RBMS2: variants seen among roughly 807,000 people sequenced by gnomAD.
RBMS2 encodes RNA binding motif single stranded interacting protein 2.
In RBMS2, 38 loss-of-function variants were observed where a neutral mutation model predicts 58.4. The observed-to-expected ratio is 0.65, with a 90% CI of 0.50 to 0.85. The LOEUF (loss-of-function observed/expected upper bound fraction) is 0.85. RBMS2 is among the 40% of genes least tolerant of loss of function. RBMS2 has a pLI of 0.00. For missense variants in RBMS2, 367 were observed against 503.7 expected (o/e 0.73, Z 2.60); for synonymous variants, 151 against 180.7 (o/e 0.84, Z 1.32).
chr12:56,553,142 C>T (rs1216563126), intron 1 of RBMS2, among the ~76,000 whole-genome samples: 3 of 151,788 alleles, frequency 2.0e-5, no homozygotes, highest in Admixed American at 1.3e-4. Context: ...GTTTCCAACT[C>T]CTGACCTTAT....
At chr12:56,564,171 C>CG (rs1880928248) in intron 2 of RBMS2, among the ~76,000 whole-genome samples, 1 of 151,350 alleles carries the variant, frequency 6.6e-6, no homozygotes, top group Admixed American at 6.6e-5. Context: ...AGGCTGGTCT[C>CG]GAACTCCTGA....
At chr12:56,562,847 G>A (rs1880673872) in intron 2 of RBMS2, among the ~76,000 whole-genome samples, 1 of 152,186 alleles carries the variant, frequency 6.6e-6, no homozygotes, top group South Asian at 2.1e-4. Flanking sequence ...TACTGGCCGG[G>A]TGCGGTGGCT....
chr12:56,575,864 A>G (rs1249262054), intron 5 of RBMS2, among the ~76,000 whole-genome samples: 2 of 151,896 alleles, frequency 1.3e-5, no homozygotes, highest in African/African-American at 2.4e-5. Flanking sequence ...ATTGCACTCC[A>G]GCCTGGGCGA....
intron 1 of RBMS2, among the ~76,000 whole-genome samples, chr12:56,554,895 C>T (rs1352800328): frequency 6.6e-6 from 1 of 151,928 alleles, no homozygotes; most frequent in East Asian, 1.9e-4. Flanking sequence ...ACATGGTACT[C>T]CTTTTATGTA....
At chr12:56,532,548 A>G (rs1173695645) in intron 1 of RBMS2, among the ~76,000 whole-genome samples, 1 of 145,048 alleles carries the variant, frequency 6.9e-6, no homozygotes, top group African/African-American at 2.5e-5. Context: ...GTCTCAAAAA[A>G]AAAAGAAAAA....
At chr12:56,578,669 T>A (rs1356719116) in intron 5 of RBMS2, among the ~76,000 whole-genome samples, 2 of 152,114 alleles carry the variant, frequency 1.3e-5, no homozygotes, top group East Asian at 1.9e-4. Flanking sequence ...ACAGGAATTT[T>A]AAAAATTTCT....
chr12:56,539,015 CTTTTTTTT>C (rs10605730), intron 1 of RBMS2, among the ~76,000 whole-genome samples: 14 of 144,180 alleles, frequency 9.7e-5, no homozygotes, highest in South Asian at 2.2e-4. Flanking sequence ...TTCAGAAATT[CTTTTTTTT>C]TTTTTTTTTT....
chr12:56,531,816 CAAA>C, intron 1 of RBMS2, among the ~76,000 whole-genome samples: 1 of 88,290 alleles, frequency 1.1e-5, no homozygotes, highest in South Asian at 3.3e-4. Context: ...GATTCCATTT[CAAA>C]AAAAAAAAAA....
At chr12:56,524,780 C>T (rs190459454) in intron 1 of RBMS2, among the ~76,000 whole-genome samples, 14 of 151,070 alleles carry the variant, frequency 9.3e-5, no homozygotes, top group African/African-American at 3.2e-4. Flanking sequence ...AATGCAGTGG[C>T]GTGATTTCGG....
intron 5 of RBMS2, among the ~76,000 whole-genome samples, chr12:56,576,372 G>A (rs1212601791): frequency 1.3e-5 from 2 of 152,016 alleles, no homozygotes; most frequent in Non-Finnish European, 1.5e-5. Context: ...CATGTTGTCC[G>A]CTCCATCCCA....
intron 1 of RBMS2, among the ~76,000 whole-genome samples, chr12:56,541,246 T>C (rs73331453): frequency 2.2e-4 from 34 of 152,272 alleles, no homozygotes; most frequent in African/African-American, 8.2e-4. Flanking sequence ...GCCTATTCAG[T>C]TGCTGAATGA....
chr12:56,583,676 G>T (rs1322839256), intron 9 of RBMS2, among the ~76,000 whole-genome samples: 1 of 151,612 alleles, frequency 6.6e-6, no homozygotes, highest in African/African-American at 2.4e-5. Context: ...CAAAAAAATT[G>T]TTCCTGTCTT....
intron 1 of RBMS2, among the ~76,000 whole-genome samples, chr12:56,526,959 C>T (rs1006766777): frequency 2.6e-5 from 4 of 152,238 alleles, no homozygotes; most frequent in African/African-American, 4.8e-5. Flanking sequence ...CCTTCTCCAA[C>T]GTACTTTTCA....
chr12:56,547,147 T>G (rs1877392235), intron 1 of RBMS2, among the ~76,000 whole-genome samples: 1 of 151,834 alleles, frequency 6.6e-6, no homozygotes, highest in Non-Finnish European at 1.5e-5. Flanking sequence ...GGTCAGGAGT[T>G]CAAAACCAGC....
intron 1 of RBMS2, among the ~76,000 whole-genome samples, chr12:56,533,413 T>TTTTTTTTTC (rs1874166780): frequency 9.0e-6 from 1 of 111,136 alleles, no homozygotes; most frequent in Non-Finnish European, 1.8e-5. Context: ...TATTACTTTT[T>TTTTTTTTTC]TTTTTTTTTT....
intron 3 of RBMS2, 121 bp from the exon 4 acceptor site, chr12:56,569,778 C>A: frequency 1.2e-6 from 1 of 846,132 alleles, no homozygotes; most frequent in Non-Finnish European, 2.0e-6. Context: ...CTCTCAATAG[C>A]TCTTTCTCCC....
At position 56,544,764 on chromosome 12, in the gene RBMS2, TTTTC is replaced by T. The variant is rs1476859189; in HGVS notation, c.67-17649_67-17646del. Among the ~76,000 whole-genome samples the T allele has an allele frequency of 1.0e-2, 1,401 of 140,576 alleles. 36 individuals carry two copies. Among genetic ancestry groups the T allele is most frequent in the African/African-American group, 0.032 (1,169 of 36,992 alleles). The allele number at this position is 140,576 out of a possible 152,430, so 92.2% of individuals were successfully genotyped here. A position where few individuals can be genotyped will look rare whatever the true frequency, so the allele number is the denominator to read the frequency against. On this transcript the variant is annotated intron_variant, in intron 1 of 13. Coordinates refer to ENST00000262031, the MANE Select transcript of RBMS2 (RefSeq NM_002898.4). ...CCCAGCTAATTTTTAATTTTTTTTT[TTTTC>T]TTTTTTGTAGAGCTGGGACTTTGCC... is the stretch of plus-strand genomic sequence containing the variant.
upstream of RBMS2, among the ~76,000 whole-genome samples, chr12:56,521,689 T>C (rs1215453732): frequency 2.0e-5 from 3 of 151,482 alleles, no homozygotes; most frequent in Non-Finnish European, 2.9e-5. Flanking sequence ...ACCTAAGAAC[T>C]CTTCTTTCTA....
Position 56,531,010 on chromosome 12 carries a change from C to T in RBMS2, c.66+8921C>T, listed in dbSNP as rs138672072. 1.4e-3 allele frequency among the ~76,000 whole-genome samples: 216 copies of T among 152,278 alleles called. 4 individuals are homozygous for T. The East Asian group carries it at 0.031, about 22-fold the overall frequency. On this transcript the variant is annotated intron_variant, in intron 1 of 13. Coordinates refer to ENST00000262031, the MANE Select transcript of RBMS2 (RefSeq NM_002898.4). Reference sequence around the variant, plus strand: ...CCCTTTAAGTTCAGTTGAAAATTACCTCTTATATAAAGCTTCTGCTAATCC... The same window carrying T: ...CCCTTTAAGTTCAGTTGAAAATTACTTCTTATATAAAGCTTCTGCTAATCC...
Sources: gnomAD v4.1 joint callset for allele counts (sites outside exome capture counted in the v4.1 genomes callset) on GRCh38, gnomAD v4.1.1 for gene constraint, MANE v1.5 for transcripts, NCBI Gene and HGNC (gene_info 2026-07-23, HGNC 2026-07-21) for gene names.